CTNNA3: variants seen among roughly 807,000 people sequenced by gnomAD.
The protein encoded by CTNNA3 is catenin alpha-3.
A neutral mutation model predicts 95.7 loss-of-function variants in CTNNA3; 76 were observed. That is an observed-to-expected ratio of 0.79 (90% CI 0.66 to 0.96). CTNNA3 has a LOEUF of 0.96. CTNNA3 is among the 40% of genes least tolerant of loss of function. The probability of loss-of-function intolerance (pLI) is 0.00; values close to 1 mark genes in which losing one functional copy is unlikely to be tolerated. For missense variants in CTNNA3, 1,191 were observed against 1,089.8 expected (o/e 1.09, Z -1.31); for synonymous variants, 431 against 374.4 (o/e 1.15, Z -1.74).
intron 8 of CTNNA3, among the ~76,000 whole-genome samples, chr10:66,766,791 A>C (rs1839876721): frequency 1.3e-5 from 2 of 152,196 alleles, no homozygotes; most frequent in South Asian, 4.1e-4. Context: ...AAATTATAGA[A>C]TGTTTTCTAC....
chr10:66,988,261 A>G (rs1330289443), intron 7 of CTNNA3, among the ~76,000 whole-genome samples: 1 of 152,204 alleles, frequency 6.6e-6, no homozygotes, highest in Non-Finnish European at 1.5e-5. Context: ...TCATTGAGGT[A>G]GGATTATATT....
intron 3 of CTNNA3, among the ~76,000 whole-genome samples, chr10:67,574,979 T>G (rs1369612718): frequency 6.6e-6 from 1 of 152,154 alleles, no homozygotes; most frequent in Non-Finnish European, 1.5e-5. Flanking sequence ...AGTGCACCAT[T>G]AATGTTACTG....
At chr10:66,437,649 C>G (rs2093347695) in intron 11 of CTNNA3, among the ~76,000 whole-genome samples, 1 of 152,030 alleles carries the variant, frequency 6.6e-6, no homozygotes, top group African/African-American at 2.4e-5. Flanking sequence ...TTAGAACATG[C>G]TTCTTTTGCT....
Position 67,035,273 on chromosome 10 carries a change from C to T in CTNNA3, c.1047+145044G>A, listed in dbSNP as rs542502639. ...AAAACTATGATTTAAAAATATGCTG[C>T]AAGTCACTAGATTTCTTAAGAATTG... is the stretch of plus-strand genomic sequence containing the variant. On this transcript the variant is annotated intron_variant, in intron 7 of 17. Transcript: ENST00000433211. Among the ~76,000 whole-genome samples, 4 of 152,250 alleles carry T rather than the reference C, an allele frequency of 2.6e-5. No individual in the cohort carries two copies. The East Asian group carries it at 5.8e-4, about 22-fold the overall frequency.
At chr10:66,246,901 A>C (rs2132056580) in intron 13 of CTNNA3, among the ~76,000 whole-genome samples, 1 of 152,040 alleles carries the variant, frequency 6.6e-6, no homozygotes, top group Non-Finnish European at 1.5e-5. Flanking sequence ...AAAACACAAA[A>C]AATTAGCCAG....
At chr10:66,279,830 G>A (rs1014175136) in intron 13 of CTNNA3, among the ~76,000 whole-genome samples, 4 of 151,938 alleles carry the variant, frequency 2.6e-5, no homozygotes, top group African/African-American at 9.7e-5. Context: ...GCATTTTTTG[G>A]TAACATTTAA....
chr10:66,102,638 C>A (rs1027500970), intron 14 of CTNNA3, among the ~76,000 whole-genome samples: 1 of 151,978 alleles, frequency 6.6e-6, no homozygotes, highest in Non-Finnish European at 1.5e-5. Flanking sequence ...AAGTGAAGTA[C>A]AATATCTCAG....
intron 1 of CTNNA3, among the ~76,000 whole-genome samples, chr10:67,701,603 C>G (rs193127253): frequency 6.6e-6 from 1 of 152,100 alleles, no homozygotes; most frequent in African/African-American, 2.4e-5. Context: ...ACAGGCCTGC[C>G]CTAAAACAGC....
chr10:67,241,329 A>T (rs1246300823), intron 5 of CTNNA3, among the ~76,000 whole-genome samples: 1 of 152,114 alleles, frequency 6.6e-6, no homozygotes, highest in Non-Finnish European at 1.5e-5. Flanking sequence ...AGGCTGAGGC[A>T]TAAGAATCAC....
At chr10:66,457,822 G>A (rs2093504787) in intron 11 of CTNNA3, among the ~76,000 whole-genome samples, 1 of 152,058 alleles carries the variant, frequency 6.6e-6, no homozygotes, top group South Asian at 2.1e-4. Context: ...ATTGCATCTT[G>A]CAGATAAGCA....
intron 6 of CTNNA3, among the ~76,000 whole-genome samples, chr10:67,213,637 ACATTAT>A (rs1864231988): frequency 2.0e-5 from 3 of 151,796 alleles, no homozygotes; most frequent in Non-Finnish European, 4.4e-5. Flanking sequence ...TTGTTATTAT[ACATTAT>A]CATTATTTCT....
At chr10:67,477,696 G>T in intron 5 of CTNNA3, among the ~76,000 whole-genome samples, 1 of 152,120 alleles carries the variant, frequency 6.6e-6, no homozygotes, top group East Asian at 1.9e-4. Context: ...TATCCTCCCT[G>T]CAAGAAAATA....
At chr10:66,639,987 G>T (rs7919098) in intron 9 of CTNNA3, among the ~76,000 whole-genome samples, 96,702 of 152,022 alleles carry the variant, frequency 0.64, 31,286 homozygotes, top group East Asian at 0.95. Flanking sequence ...TGTCTGTATA[G>T]CTACATACAT....
intron 7 of CTNNA3, among the ~76,000 whole-genome samples, chr10:67,159,620 G>A (rs1861450288): frequency 6.6e-6 from 1 of 152,188 alleles, no homozygotes. Flanking sequence ...ACAGAATGGG[G>A]AAAAGGTAGT....
At chr10:66,622,751 A>C (rs1353336920) in intron 9 of CTNNA3, among the ~76,000 whole-genome samples, 1 of 152,158 alleles carries the variant, frequency 6.6e-6, no homozygotes, top group African/African-American at 2.4e-5. Flanking sequence ...GATCTAAAAT[A>C]CATCCAGTTG....
chr10:66,986,192 C>T lies in CTNNA3; in HGVS notation c.1047+194125G>A, dbSNP rs117805607. Among the ~76,000 whole-genome samples, 68 of 152,098 alleles carry T rather than the reference C, an allele frequency of 4.5e-4. No individual in the cohort carries two copies. The East Asian group carries it at 0.013, about 29-fold the overall frequency. ...TGTATACTTTAGATATAATTACTTG[C>T]CAGATTAATTAAAATAGCAAGACTG... On this transcript the variant is annotated intron_variant, in intron 7 of 17. Transcript: ENST00000433211.
chr10:67,375,738 A>G (rs952324864), intron 5 of CTNNA3, among the ~76,000 whole-genome samples: 3 of 152,228 alleles, frequency 2.0e-5, no homozygotes, highest in Admixed American at 6.5e-5. Context: ...AAGGTGGTCA[A>G]TGACTATCAT....
intron 13 of CTNNA3, among the ~76,000 whole-genome samples, chr10:66,142,290 A>C (rs1469057842): frequency 6.6e-6 from 1 of 151,704 alleles, no homozygotes; most frequent in Non-Finnish European, 1.5e-5. Flanking sequence ...TTTTGCCTTG[A>C]CTCTTTCATC....
At position 66,685,325 on chromosome 10, in the gene CTNNA3, G is replaced by GTATATATA. The variant is rs1564617459; in HGVS notation, c.1282-63549_1282-63542dup. Among the ~76,000 whole-genome samples the GTATATATA allele has an allele frequency of 2.7e-3, 80 of 30,004 alleles. 2 individuals carry two copies. The highest frequency in any genetic ancestry group is 0.011 in the African/African-American group (75 of 6,984). 19.7% of individuals were successfully genotyped at this position (30,004 alleles called of 152,430 possible). A position where few individuals can be genotyped will look rare whatever the true frequency, so the allele number is the denominator to read the frequency against. ...TATATATATGTGTGTGTGTATGTGTGTATATATATATATATATATATATAT... is the reference window on the plus strand; with the variant it reads ...TATATATATGTGTGTGTGTATGTGTGTATATATATATATATATATATATATATATATAT... On this transcript the variant is annotated intron_variant, in intron 9 of 17. Transcript: ENST00000433211.
Sources: gnomAD v4.1 joint callset for allele counts (sites outside exome capture counted in the v4.1 genomes callset) on GRCh38, gnomAD v4.1.1 for gene constraint, MANE v1.5 for transcripts, NCBI Gene and HGNC (gene_info 2026-07-23, HGNC 2026-07-21) for gene names.